The following CNN1 variants were observed in gnomAD, a reference collection of about 807,000 sequenced individuals.
The protein encoded by CNN1 is calponin 1.
CNN1 carries 21 observed loss-of-function variants against 35.3 expected under a neutral mutation model. The ratio of observed to expected loss-of-function variants is 0.60; its 90% CI spans 0.42 to 0.86. The LOEUF is 0.86. Ranked by LOEUF, CNN1 falls within the 40% of genes least tolerant of loss-of-function variation. CNN1 has a pLI of 0.00. For synonymous variants in CNN1, 164 were observed against 161.8 expected, an observed-to-expected ratio of 1.01 and a Z score of -0.10; for missense variants, 314 against 400.8, an observed-to-expected ratio of 0.78 and a Z score of 1.85.
rs757378223 is a variant in CNN1 at position 11,549,525 on chromosome 19, G to A, written c.649-25G>A. On this transcript the variant is annotated intron_variant, in intron 6 of 6. Coordinates refer to ENST00000252456, the MANE Select transcript of CNN1 (RefSeq NM_001299.6). This position sits in a 1 kb window ranked among gnomAD's most constrained non-coding sequence, Gnocchi z 5.2. ...AGGCCCAGGACCCTGGCCACCCCAC[G>A]GCCTGACCACACCACCCTTCGCAGG... 6.2e-6 allele frequency: 10 copies of A among 1,602,466 alleles called. No individual in the cohort carries two copies. Among genetic ancestry groups the A allele is most frequent in the East Asian group, 2.2e-5 (1 of 44,550 alleles).
rs150280468 is a variant in CNN1 at position 11,549,953 on chromosome 19, C to CG, written c.*164dup. ...TTAGAGTTTGGAGAGAGCAGACTGG[C>CG]GGGGGGCCCATTGGGGGGAAGGGGA... On this transcript the variant is annotated 3_prime_UTR_variant, in exon 7 of 7. Transcript: ENST00000252456. The surrounding 1 kb of genome is among the most constrained non-coding windows in gnomAD (Gnocchi z 5.2). 1.1e-5 allele frequency: 12 copies of CG among 1,136,308 alleles called. No individual in the cohort carries two copies. Among genetic ancestry groups the CG allele is most frequent in the Non-Finnish European group, 1.5e-5 (12 of 815,606 alleles). The allele number at this position is 1,136,308 out of a possible 1,614,324, so 70.4% of individuals were successfully genotyped here.
rs758051953 is a variant in CNN1, at chr19:11,549,824, C to T, written c.*29C>T. On this transcript the variant is annotated 3_prime_UTR_variant, in exon 7 of 7. Transcript: ENST00000252456. The surrounding 1 kb of genome is among the most constrained non-coding windows in gnomAD (Gnocchi z 5.2). Reference sequence around the variant, plus strand: ...CACAAGGCCTTCCCTGTTTTCCCCCCAAGGGAGGCTGCTGCTGCTCTTGGC... The same window carrying T: ...CACAAGGCCTTCCCTGTTTTCCCCCTAAGGGAGGCTGCTGCTGCTCTTGGC... 2.5e-6 allele frequency: 4 copies of T among 1,575,478 alleles called. No homozygotes were observed. Among genetic ancestry groups the T allele is most frequent in the Admixed American group, 1.7e-5 (1 of 57,360 alleles).
chr19:11,543,371 C>T (rs930616665), intron 2 of CNN1, among the ~76,000 whole-genome samples: 8 of 150,242 alleles, frequency 5.3e-5, no homozygotes, highest in East Asian at 2.0e-4. Context: ...CTAATGTAAA[C>T]GACAAGTTGA....
Position 11,549,044 on chromosome 19 carries a change from C to A in CNN1, c.502-279C>A, listed in dbSNP as rs1335957171. On this transcript the variant is annotated intron_variant, in intron 5 of 6. Transcript: ENST00000252456. This position sits in a 1 kb window ranked among gnomAD's most constrained non-coding sequence, Gnocchi z 5.2. The stretch of plus-strand genomic sequence containing the variant: ...TCTACTAAAAATACAAAAAATTATC[C>A]GGGCATGGTGATGCCCACCTGTGAT... 6.6e-6 allele frequency among the ~76,000 whole-genome samples: 1 copy of A among 151,270 alleles called. No individual in the cohort carries two copies. The highest frequency in any genetic ancestry group is 2.1e-4 in the South Asian group (1 of 4,798).
rs1241206055 is a variant in CNN1, at chr19:11,547,909, T to C, written c.501+2T>C. 1 of 1,612,510 alleles carries C rather than the reference T, an allele frequency of 6.2e-7. No individual in the cohort carries two copies. The highest frequency in any genetic ancestry group is 1.1e-5 in the South Asian group (1 of 90,918). ...GGGCGGAACATCATTGGGCTGCAGG[T>C]ACCGCCCTGTCCTCACTGCGCAGAG... is the stretch of plus-strand genomic sequence containing the variant. On this transcript the variant is annotated splice_donor_variant, in intron 5 of 6. Transcript: ENST00000252456. LOFTEE classifies it high-confidence loss of function.
chr19:11,546,654 C>A, intron 2 of CNN1, 21 bp from the exon 3 acceptor site: 1 of 1,613,818 alleles, frequency 6.2e-7, no homozygotes, highest in Non-Finnish European at 8.5e-7. Flanking sequence ...ACCTTTCTTA[C>A]CCCTTCCCCA....
At position 11,550,098 on chromosome 19, in the gene CNN1, C is replaced by T. The variant is rs1215195418; in HGVS notation, c.*303C>T. 3 of 299,188 alleles carry T rather than the reference C, an allele frequency of 1.0e-5. No individual in the cohort carries two copies. The highest frequency in any genetic ancestry group is 1.9e-5 in the Non-Finnish European group (3 of 161,754). 18.5% of individuals were successfully genotyped at this position (299,188 alleles called of 1,614,324 possible). A position where few individuals can be genotyped will look rare whatever the true frequency, so the allele number is the denominator to read the frequency against. On this transcript the variant is annotated 3_prime_UTR_variant, in exon 7 of 7. Coordinates refer to ENST00000252456, the MANE Select transcript of CNN1 (RefSeq NM_001299.6). The stretch of plus-strand genomic sequence containing the variant: ...CCCCACTCCCTCACAAGTGGGTACC[C>T]CCAGGACCAGAAGCTCCCCCAGCAA...
At chr19:11,547,657 G>A in intron 4 of CNN1, 140 bp from the exon 5 acceptor site, 2 of 582,362 alleles carry the variant, frequency 3.4e-6, no homozygotes, top group Non-Finnish European at 6.0e-6. Context: ...AGCTTGCAGT[G>A]AGCTGAGATC....
rs562607788 is a variant in CNN1 at position 11,540,957 on chromosome 19, G to A, written c.64-119G>A. ...ATGGATCTGGGGCAAAATTGCCTTA[G>A]TTGGGAAGGACGAGGGAGATCAGGC... On this transcript the variant is annotated intron_variant, in intron 1 of 6. Coordinates refer to ENST00000252456, the MANE Select transcript of CNN1 (RefSeq NM_001299.6). The A allele has an allele frequency of 5.0e-4, 580 of 1,166,244 alleles. 2 individuals are homozygous for A. The Middle Eastern group carries it at 7.6e-3, about 15-fold the overall frequency. 72.2% of individuals were successfully genotyped at this position (1,166,244 alleles called of 1,614,324 possible).
In CNN1 at chr19:11,546,570, G is replaced by A. The variant is rs1399738350; in HGVS notation, c.186-105G>A. ...AGGATAGTCTCGCTCTCCTGACCTCGTGATCCACCCGCCTTGGCCTCCCAA... is the reference window on the plus strand; with the variant it reads ...AGGATAGTCTCGCTCTCCTGACCTCATGATCCACCCGCCTTGGCCTCCCAA... On this transcript the variant is annotated intron_variant, in intron 2 of 6. Transcript: ENST00000252456. The A allele has an allele frequency of 3.0e-5, 35 of 1,166,004 alleles. No homozygotes were observed. The Admixed American group carries it at 3.6e-4, about 12-fold the overall frequency. 72.2% of individuals were successfully genotyped at this position (1,166,004 alleles called of 1,614,324 possible). A position where few individuals can be genotyped will look rare whatever the true frequency, so the allele number is the denominator to read the frequency against.
At chr19:11,544,500 C>T (rs1176268760) in intron 2 of CNN1, among the ~76,000 whole-genome samples, 1 of 151,966 alleles carries the variant, frequency 6.6e-6, no homozygotes, top group Non-Finnish European at 1.5e-5. Context: ...GAGACAGAGT[C>T]TTGCTCTGGT....
intron 1 of CNN1, 61 bp downstream of exon 1, chr19:11,539,051 T>A: frequency 7.1e-7 from 1 of 1,404,654 alleles, no homozygotes; most frequent in Non-Finnish European, 9.5e-7. Flanking sequence ...AGCCCTGAGC[T>A]TGGGGTCCCT....
intron 1 of CNN1, 168 bp downstream of exon 1, chr19:11,539,158 G>A (rs958056417): frequency 9.1e-6 from 10 of 1,100,936 alleles, no homozygotes; most frequent in African/African-American, 4.9e-5. Context: ...TGAACATCCC[G>A]GAGCCCCCAG....
intron 1 of CNN1, chr19:11,539,277 T>C (rs1972406583): frequency 1.7e-6 from 2 of 1,194,082 alleles, no homozygotes; most frequent in African/African-American, 3.2e-5. Flanking sequence ...CTTCGTGTTC[T>C]TGGGGGGAAC....
chr19:11,549,635 T>A lies in CNN1; in HGVS notation c.734T>A (p.Leu245Gln), dbSNP rs1972673215. ...MEHCDTLNVS[L>Q]QMGSNKGASQ... The stretch of plus-strand genomic sequence containing the variant: ...CACTGCGACACGCTCAATGTCAGCC[T>A]GCAGATGGGCAGCAACAAGGGCGCC... The change falls in exon 7 of 7, where the codon CTG becomes CAG. Residue 245 changes from leucine to glutamine, a missense_variant. Transcript: ENST00000252456. This position sits in a 1 kb window ranked among gnomAD's most constrained non-coding sequence, Gnocchi z 5.2. The A allele has an allele frequency of 6.2e-7, 1 of 1,613,476 alleles. No individual in the cohort carries two copies. Among genetic ancestry groups the A allele is most frequent in the African/African-American group, 1.3e-5 (1 of 74,920 alleles).
In CNN1 at chr19:11,549,603, C is replaced by T. The variant is rs376856955; in HGVS notation, c.702C>T (p.Gly234=). 5.5e-5 allele frequency: 89 copies of T among 1,608,286 alleles called. No homozygotes were observed. The highest frequency in any genetic ancestry group is 5.0e-4 in the Middle Eastern group (3 of 6,052). Residue 234 remains glycine, a synonymous_variant, in exon 7 of 7, where the codon GGC becomes GGT. Transcript: ENST00000252456. The surrounding 1 kb of genome is among the most constrained non-coding windows in gnomAD (Gnocchi z 5.2). ...TKRQIFEPGL[G]MEHCDTLNVS... The stretch of plus-strand genomic sequence containing the variant: ...GGCAGATCTTCGAGCCGGGGCTGGG[C>T]ATGGAGCACTGCGACACGCTCAATG...
rs201339097 is a variant in CNN1 at position 11,541,101 on chromosome 19, G to A, written c.89G>A (p.Arg30Gln). Reference sequence around the variant, plus strand: ...CTGGCCCAGAAGTATGACCACCAGCGGGAGCAGGAGCTGAGAGAGTGGATC... The same window carrying A: ...CTGGCCCAGAAGTATGACCACCAGCAGGAGCAGGAGCTGAGAGAGTGGATC... ...NKLAQKYDHQREQELREWIEG... is the reference protein window; with the variant it reads ...NKLAQKYDHQQEQELREWIEG... Residue 30 changes from arginine to glutamine, a missense_variant, in exon 2 of 7, where the codon CGG (arginine) becomes CAG (glutamine). Transcript: ENST00000252456. The A allele has an allele frequency of 4.7e-5, 76 of 1,610,946 alleles. No homozygotes were observed. The highest frequency in any genetic ancestry group is 1.6e-4 in the Middle Eastern group (1 of 6,064).
At chr19:11,539,805 TG>T in intron 1 of CNN1, 1 of 835,784 alleles carries the variant, frequency 1.2e-6, no homozygotes, top group Non-Finnish European at 1.3e-6. Flanking sequence ...ATCTCGGGGC[TG>T]GAGGAGGGGG....
At position 11,549,953 on chromosome 19, in the gene CNN1, C is replaced by T. The variant is rs1277334518; in HGVS notation, c.*158C>T. 8.8e-6 allele frequency: 10 copies of T among 1,136,310 alleles called. No homozygotes were observed. Among genetic ancestry groups the T allele is most frequent in the African/African-American group, 3.1e-5 (2 of 63,608 alleles). 70.4% of individuals were successfully genotyped at this position (1,136,310 alleles called of 1,614,324 possible). A position where few individuals can be genotyped will look rare whatever the true frequency, so the allele number is the denominator to read the frequency against. On this transcript the variant is annotated 3_prime_UTR_variant, in exon 7 of 7. Transcript: ENST00000252456. The surrounding 1 kb of genome is among the most constrained non-coding windows in gnomAD (Gnocchi z 5.2). ...TTAGAGTTTGGAGAGAGCAGACTGG[C>T]GGGGGGCCCATTGGGGGGAAGGGGA...
Sources: allele counts gnomAD v4.1 joint callset (sites outside exome capture counted in the v4.1 genomes callset), GRCh38; gene constraint gnomAD v4.1.1; non-coding constraint Gnocchi (gnomAD v3.1); transcripts MANE v1.5; gene names NCBI Gene and HGNC (gene_info 2026-07-23, HGNC 2026-07-21).